The following USP18 variants were observed in gnomAD, a reference collection of about 807,000 sequenced individuals.
USP18 encodes ubiquitin specific peptidase 18, also known as ubl carboxyl-terminal hydrolase 18.
Under a neutral mutation model 48.7 loss-of-function variants are expected in USP18, and 11 were observed. That is an observed-to-expected ratio of 0.23 (90% CI 0.14 to 0.37). The LOEUF (loss-of-function observed/expected upper bound fraction) is 0.37, where lower values mean the gene tolerates loss of function less well. USP18 is among the 10% of genes least tolerant of loss of function. USP18 has a pLI of 1.00. For synonymous variants in USP18, 114 were observed against 163.2 expected (o/e 0.70, Z 2.30); for missense variants, 285 against 436.4 (o/e 0.65, Z 3.09).
intron 2 of USP18, among the ~76,000 whole-genome samples, chr22:18,158,770 C>G (rs1929238112): frequency 6.6e-6 from 1 of 152,180 alleles, no homozygotes; most frequent in Non-Finnish European, 1.5e-5. Flanking sequence ...TATTTCCTGC[C>G]TCCCTGTAGT....
chr22:18,170,471 C>T lies in USP18; in HGVS notation c.724-282C>T, dbSNP rs1459903357. Among the ~76,000 whole-genome samples, 10 of 152,334 alleles carry T rather than the reference C, an allele frequency of 6.6e-5. No homozygotes were observed. In the East Asian group the frequency reaches 1.5e-3, roughly 24 times the overall value. Reference sequence around the variant, plus strand: ...AGCCGGCAGGGCGTTTCCCTCCAGGCGAGACCAGCTCCCTGGAGCAGACGC... The same window carrying T: ...AGCCGGCAGGGCGTTTCCCTCCAGGTGAGACCAGCTCCCTGGAGCAGACGC... On this transcript the variant is annotated intron_variant, in intron 7 of 10. Coordinates refer to ENST00000215794, the MANE Select transcript of USP18 (RefSeq NM_017414.4).
chr22:18,153,441 A>AAAAAAAAAAAAAG lies in USP18; in HGVS notation c.-107+3219_-107+3220insAAAAAAAAAAAAG, dbSNP rs1602517260. Among the ~76,000 whole-genome samples the AAAAAAAAAAAAAG allele has an allele frequency of 2.0e-5, 3 of 151,154 alleles. No homozygotes were observed. The East Asian group carries it at 5.9e-4, about 30-fold the overall frequency. ...TGAAATTCCATCTCAAAAAAAAAAA[A>AAAAAAAAAAAAAG]GGAGACAGGGTCTTGCCCTGTTGCC... On this transcript the variant is annotated intron_variant, in intron 1 of 10. Transcript: ENST00000215794.
rs1569209836 is a variant in USP18, at chr22:18,160,192, A to G, written c.178A>G (p.Ile60Val). The G allele has an allele frequency of 1.2e-6, 2 of 1,614,164 alleles. No individual in the cohort carries two copies. Among genetic ancestry groups the G allele is most frequent in the Non-Finnish European group, 8.5e-7 (1 of 1,180,012 alleles). The change falls in exon 3 of 11, where the codon ATT (isoleucine) becomes GTT (valine). Residue 60 changes from isoleucine (I) to valine (V), a missense_variant. Ile to Val is a conservative substitution (Grantham distance 29). This residue lies in a region of USP18 where 199 missense variants were observed against 239.6 expected (regional missense o/e 0.83). Coordinates refer to ENST00000215794, the MANE Select transcript of USP18 (RefSeq NM_017414.4). Reference protein sequence around the residue: ...YPHGLVGLHNIGQTCCLNSLI... With the variant: ...YPHGLVGLHNVGQTCCLNSLI... Reference sequence around the variant, plus strand: ...TATAGGCCTGGTTGGTTTACACAACATTGGACAGACCTGCTGCCTTAACTC... The same window carrying G: ...TATAGGCCTGGTTGGTTTACACAACGTTGGACAGACCTGCTGCCTTAACTC...
At chr22:18,151,630 G>C (rs150235297) in intron 1 of USP18, among the ~76,000 whole-genome samples, 1 of 151,974 alleles carries the variant, frequency 6.6e-6, no homozygotes, top group African/African-American at 2.4e-5. Flanking sequence ...TTTCAAAGAA[G>C]GTAAGTCCTA....
chr22:18,157,478 C>A, intron 1 of USP18, 80 bp from the exon 2 acceptor site: 1 of 735,692 alleles, frequency 1.4e-6, no homozygotes, highest in Non-Finnish European at 2.3e-6. Flanking sequence ...CTAAGACCTG[C>A]TCTTTGGCAT....
chr22:18,175,793 A>G (rs1929768552), intron 10 of USP18, among the ~76,000 whole-genome samples: 1 of 149,252 alleles, frequency 6.7e-6, no homozygotes, highest in Admixed American at 6.6e-5. Context: ...TGGGCAACAA[A>G]GCAAGACTCC....
At position 18,150,704 on chromosome 22, in the gene USP18, G is replaced by A. The variant is rs980595204; in HGVS notation, c.-107+482G>A. 2.0e-5 allele frequency among the ~76,000 whole-genome samples: 3 copies of A among 152,220 alleles called. No homozygotes were observed. The East Asian group carries it at 5.8e-4, about 29-fold the overall frequency. ...GATTCGGCCGGGTACGGTGGCTCAC[G>A]CCTGTAATCCCAGCACTTTGGGAGA... is the stretch of plus-strand genomic sequence containing the variant. On this transcript the variant is annotated intron_variant, in intron 1 of 10. Transcript: ENST00000215794.
chr22:18,158,103 A>G (rs1188319333), intron 2 of USP18, among the ~76,000 whole-genome samples: 1 of 152,008 alleles, frequency 6.6e-6, no homozygotes, highest in African/African-American at 2.4e-5. Context: ...GCCTGGCCAA[A>G]ATGGTGAAAC....
intron 4 of USP18, among the ~76,000 whole-genome samples, chr22:18,166,126 G>C (rs1929471857): frequency 6.6e-6 from 1 of 152,144 alleles, no homozygotes; most frequent in African/African-American, 2.4e-5. Context: ...ACTGTGTTCA[G>C]CTTTCCTTCC....
At position 18,173,066 on chromosome 22, in the gene USP18, G is replaced by A. The variant is rs1244656875; in HGVS notation, c.892-84G>A. The A allele has an allele frequency of 2.6e-5, 41 of 1,596,134 alleles. 1 individual carries two copies. The highest frequency in any genetic ancestry group is 8.2e-5 in the African/African-American group (6 of 72,826). ...TCTAATATTCTAAAGTCCCAGAGTC[G>A]GGCCTAGTGTGGGCAGGTATAAATG... On this transcript the variant is annotated intron_variant, in intron 8 of 10. Coordinates refer to ENST00000215794, the MANE Select transcript of USP18 (RefSeq NM_017414.4).
chr22:18,161,718 C>T, intron 3 of USP18, 72 bp from the exon 4 acceptor site: 1 of 1,351,250 alleles, frequency 7.4e-7, no homozygotes, highest in Admixed American at 3.2e-5. Flanking sequence ...AAATTTCTCC[C>T]AGGTGATTCC....
At chr22:18,160,317 T>C (rs1929293534) in intron 3 of USP18, 49 bp downstream of exon 3, 3 of 1,599,810 alleles carry the variant, frequency 1.9e-6, no homozygotes, top group Non-Finnish European at 2.6e-6. Flanking sequence ...TTCTTTTTCC[T>C]TTTTTTGAGA....
intron 1 of USP18, 129 bp from the exon 2 acceptor site, chr22:18,157,429 G>C (rs1232868248): frequency 1.9e-6 from 1 of 513,296 alleles, no homozygotes; most frequent in Non-Finnish European, 3.5e-6. Context: ...TTCCAGCCTA[G>C]AGCTCTATGA....
chr22:18,156,529 G>A (rs1929145900), intron 1 of USP18, among the ~76,000 whole-genome samples: 1 of 151,916 alleles, frequency 6.6e-6, no homozygotes, highest in Non-Finnish European at 1.5e-5. Context: ...CAACCAGGAG[G>A]GACTAACAAC....
intron 8 of USP18, among the ~76,000 whole-genome samples, chr22:18,171,814 A>T (rs1484905150): frequency 6.6e-5 from 10 of 152,002 alleles, no homozygotes; most frequent in Non-Finnish European, 1.5e-4. Context: ...GAAAATTAAG[A>T]CCTGATAATA....
intron 10 of USP18, among the ~76,000 whole-genome samples, chr22:18,176,098 C>G (rs372067234): frequency 8.8e-6 from 1 of 113,708 alleles, no homozygotes; most frequent in East Asian, 2.6e-4. Flanking sequence ...CTGGCTAACA[C>G]GGTGAAACCC....
At chr22:18,164,611 C>T (rs1021392436) in intron 4 of USP18, among the ~76,000 whole-genome samples, 21 of 151,888 alleles carry the variant, frequency 1.4e-4, no homozygotes, top group Non-Finnish European at 2.4e-4. Context: ...GCCCATCCCT[C>T]GGGCAACAGC....
intron 1 of USP18, among the ~76,000 whole-genome samples, chr22:18,155,053 C>A (rs1929092414): frequency 6.6e-6 from 1 of 152,222 alleles, no homozygotes; most frequent in Admixed American, 6.5e-5. Flanking sequence ...GCTGACACAG[C>A]CCTGGGTTAT....
chr22:18,156,815 G>A (rs1054942976), intron 1 of USP18, among the ~76,000 whole-genome samples: 1 of 152,176 alleles, frequency 6.6e-6, no homozygotes, highest in Non-Finnish European at 1.5e-5. Context: ...TCACTGCGAG[G>A]GTCCACGGCT....
Sources: gnomAD v4.1 joint callset for allele counts (sites outside exome capture counted in the v4.1 genomes callset) on GRCh38, gnomAD v4.1.1 for gene constraint, gnomAD v4.1.1 regional missense constraint, MANE v1.5 for transcripts, NCBI Gene and HGNC (gene_info 2026-07-23, HGNC 2026-07-21) for gene names.